The following MKLN1 variants were observed in gnomAD, a reference collection of about 807,000 sequenced individuals.
MKLN1 encodes the protein muskelin 1, also known as muskelin.
Under a neutral mutation model 99.0 loss-of-function variants are expected in MKLN1, and 18 were observed. That is an observed-to-expected ratio of 0.18 (90% CI 0.13 to 0.27). The LOEUF is 0.27. Among genes scored for constraint, MKLN1 ranks in the 10% least tolerant of loss-of-function variants. The pLI is 1.00. For missense variants in MKLN1, 621 were observed against 875.9 expected (o/e 0.71, Z 3.67); for synonymous variants, 288 against 293.2 (o/e 0.98, Z 0.18).
intron 1 of MKLN1, among the ~76,000 whole-genome samples, chr7:131,339,211 G>GC (rs1799336010): frequency 6.6e-6 from 1 of 152,136 alleles, no homozygotes; most frequent in Non-Finnish European, 1.5e-5. Context: ...GCGCCCCTAG[G>GC]CCCCACATTG....
chr7:131,366,018 G>T (rs1284670933), intron 1 of MKLN1, among the ~76,000 whole-genome samples: 1 of 152,162 alleles, frequency 6.6e-6, no homozygotes, highest in Non-Finnish European at 1.5e-5. Context: ...TCATAGAAAT[G>T]CAGAATGTTA....
At chr7:131,427,703 G>A (rs532763913) in intron 8 of MKLN1, among the ~76,000 whole-genome samples, 7 of 152,008 alleles carry the variant, frequency 4.6e-5, no homozygotes, top group Non-Finnish European at 7.4e-5. Flanking sequence ...ACAGGTGCCC[G>A]TCACCACACC....
chr7:131,154,057 T>C (rs1795930033), intron 2 of MKLN1, among the ~76,000 whole-genome samples: 1 of 152,160 alleles, frequency 6.6e-6, no homozygotes, highest in Admixed American at 6.6e-5. Flanking sequence ...GATGCTACCA[T>C]ACAGGTCAGA....
At chr7:131,388,122 G>C (rs547444669) in intron 3 of MKLN1, among the ~76,000 whole-genome samples, 1 of 152,088 alleles carries the variant, frequency 6.6e-6, no homozygotes, top group South Asian at 2.1e-4. Flanking sequence ...AGCCAAGATC[G>C]CACCACTGCA....
chr7:131,237,973 C>G (rs1469626682), intron 3 of MKLN1, among the ~76,000 whole-genome samples: 2 of 152,022 alleles, frequency 1.3e-5, no homozygotes, highest in Non-Finnish European at 2.9e-5. Flanking sequence ...ATGGCAAAAC[C>G]CTGTCTCTAC....
intron 13 of MKLN1, among the ~76,000 whole-genome samples, chr7:131,463,601 T>A (rs1796578989): frequency 1.3e-5 from 2 of 152,142 alleles, no homozygotes; most frequent in Non-Finnish European, 2.9e-5. Context: ...TCAAGAGAAT[T>A]GTATTTTAGT....
intron 1 of MKLN1, among the ~76,000 whole-genome samples, chr7:131,374,285 G>T (rs1215322085): frequency 6.6e-6 from 1 of 152,106 alleles, no homozygotes; most frequent in Non-Finnish European, 1.5e-5. Context: ...ATACCAGGGT[G>T]CGGTGCTGGG....
intron 3 of MKLN1, among the ~76,000 whole-genome samples, chr7:131,302,445 G>A (rs1391321920): frequency 6.6e-6 from 1 of 152,214 alleles, no homozygotes; most frequent in African/African-American, 2.4e-5. Context: ...TCTACCTGGA[G>A]CGCTGGGGTA....
intron 3 of MKLN1, among the ~76,000 whole-genome samples, chr7:131,311,469 T>A (rs1209584067): frequency 2.6e-5 from 4 of 152,194 alleles, no homozygotes; most frequent in Non-Finnish European, 5.9e-5. Context: ...TTCATCCTAA[T>A]ATAACTCAAA....
intron 6 of MKLN1, among the ~76,000 whole-genome samples, chr7:131,400,481 C>T (rs1794500240): frequency 6.8e-6 from 1 of 146,380 alleles, no homozygotes; most frequent in African/African-American, 2.6e-5. Context: ...AATAACTAAT[C>T]TCTTAACAGA....
At chr7:131,222,547 C>T (rs1210319452) in intron 3 of MKLN1, among the ~76,000 whole-genome samples, 1 of 152,158 alleles carries the variant, frequency 6.6e-6, no homozygotes, top group Non-Finnish European at 1.5e-5. Flanking sequence ...ATAACACTCT[C>T]TGTTGGGTTT....
chr7:131,397,628 T>C (rs1794398348), intron 5 of MKLN1, among the ~76,000 whole-genome samples: 1 of 152,182 alleles, frequency 6.6e-6, no homozygotes, highest in Admixed American at 6.5e-5. Flanking sequence ...AACAGAGAGA[T>C]TAAATAGTTT....
At chr7:131,450,760 G>A (rs926089199) in intron 12 of MKLN1, among the ~76,000 whole-genome samples, 40 of 152,080 alleles carry the variant, frequency 2.6e-4, no homozygotes, top group African/African-American at 7.7e-4. Flanking sequence ...CTTGTAGATC[G>A]TTGTCGCCCA....
chr7:131,439,634 G>A (rs990027410), intron 10 of MKLN1, among the ~76,000 whole-genome samples: 1 of 152,122 alleles, frequency 6.6e-6, no homozygotes, highest in African/African-American at 2.4e-5. Context: ...TGGTGTTCAT[G>A]ACAATTTAGG....
At chr7:131,347,421 A>T (rs1799595834) in intron 1 of MKLN1, among the ~76,000 whole-genome samples, 1 of 152,198 alleles carries the variant, frequency 6.6e-6, no homozygotes, top group Non-Finnish European at 1.5e-5. Context: ...GCAGGAATGA[A>T]GAGCTAGAGA....
rs1796802729 is a variant in MKLN1 at position 131,470,916 on chromosome 7, A to T, written c.2003A>T (p.Asp668Val). The part of the protein sequence containing the change: ...YLQNDLYITV[D>V]HSDPEETKEF... Reference sequence around the variant, plus strand: ...CAAAATGATCTTTATATAACTGTGGATCATTCAGACCCAGAAGAGACAAAA... The same window carrying T: ...CAAAATGATCTTTATATAACTGTGGTTCATTCAGACCCAGAAGAGACAAAA... The change falls in exon 16 of 18, where the codon GAT becomes GTT. Residue 668 changes from aspartate (D) to valine (V), a missense_variant. This residue lies in a region of MKLN1 where 126 missense variants were observed against 157.4 expected (regional missense o/e 0.80). Transcript: ENST00000352689. The T allele has an allele frequency of 6.2e-7, 1 of 1,611,920 alleles. No individual in the cohort carries two copies. Among genetic ancestry groups the T allele is most frequent in the Non-Finnish European group, 8.5e-7 (1 of 1,178,344 alleles).
In MKLN1 at chr7:131,272,324, T is replaced by A. The variant is rs115526854; in HGVS notation, c.-179+69350T>A. ...GGCATATCAGGCAAAGCAAACAGTA[T>A]GTGCAAAGGTTTATAAATGTTTCTA... On this transcript the variant is annotated intron_variant, in intron 3 of 7. Transcript: ENST00000416992. Among the ~76,000 whole-genome samples, 539 of 152,372 alleles carry A rather than the reference T, an allele frequency of 3.5e-3. 4 individuals carry two copies. The highest frequency in any genetic ancestry group is 0.012 in the African/African-American group (493 of 41,584).
intron 1 of MKLN1, among the ~76,000 whole-genome samples, chr7:131,113,204 G>A (rs1795223337): frequency 6.6e-6 from 1 of 152,216 alleles, no homozygotes; most frequent in African/African-American, 2.4e-5. Flanking sequence ...TGAATCTTGA[G>A]ATGCGTTCTG....
intron 3 of MKLN1, among the ~76,000 whole-genome samples, chr7:131,243,856 A>C (rs1006524528): frequency 6.6e-6 from 1 of 152,164 alleles, no homozygotes; most frequent in South Asian, 2.1e-4. Context: ...TCTACTAAAA[A>C]TACAAAAAAT....
Sources: gnomAD v4.1 joint callset for allele counts (sites outside exome capture counted in the v4.1 genomes callset) on GRCh38, gnomAD v4.1.1 for gene constraint, gnomAD v4.1.1 regional missense constraint, MANE v1.5 for transcripts, NCBI Gene and HGNC (gene_info 2026-07-23, HGNC 2026-07-21) for gene names.